USP6NL: variants seen among roughly 807,000 people sequenced by gnomAD.
USP6NL encodes USP6 N-terminal like, also known as USP6 N-terminal-like protein.
Under a neutral mutation model 61.9 loss-of-function variants are expected in USP6NL, and 26 were observed. The observed-to-expected ratio is 0.42, with a 90% CI of 0.31 to 0.58. USP6NL has a LOEUF of 0.58. Ranked by LOEUF, USP6NL falls within the 20% of genes least tolerant of loss-of-function variation. The pLI is 0.16. For synonymous variants in USP6NL, 432 were observed against 390.1 expected, an observed-to-expected ratio of 1.11 and a Z score of -1.27; for missense variants, 1,114 against 1,034.3, an observed-to-expected ratio of 1.08 and a Z score of -1.06.
In USP6NL at chr10:11,462,798, A is replaced by G. The variant is rs2096220730; in HGVS notation, c.2130T>C (p.Tyr710=). The G allele has an allele frequency of 6.2e-7, 1 of 1,613,908 alleles. No homozygotes were observed. ...TCTTTGGTGACCCTGAATTGCCCGA[A>G]TATCCCCCAGCACCAGTGTCAACAG... ...VLPVDTGAGG[Y]SGNSGSPKNG... The change falls in exon 15 of 15, where the codon TAT becomes TAC. Residue 710 remains tyrosine, a synonymous_variant. Coordinates refer to ENST00000609104, the MANE Select transcript of USP6NL (RefSeq NM_014688.5).
In USP6NL at chr10:11,525,379, G is replaced by A; in HGVS notation, c.155+7C>T. 1.3e-6 allele frequency: 2 copies of A among 1,592,432 alleles called. No homozygotes were observed. Among genetic ancestry groups the A allele is most frequent in the East Asian group, 4.6e-5 (2 of 43,866 alleles). ...TAAAAAGCAAGCTTTCAATCTATGT[G>A]ACTTACTGTAAAAAGCCAAATCTAT... is the stretch of plus-strand genomic sequence containing the variant. On this transcript the variant is annotated splice_region_variant and intron_variant, in intron 4 of 14. Transcript: ENST00000609104. The surrounding 1 kb of genome is among the most constrained non-coding windows in gnomAD (Gnocchi z 5.0).
At position 11,602,027 on chromosome 10, in the gene USP6NL, A is replaced by G. The variant is rs1838549195; in HGVS notation, c.-83-4310T>C. On this transcript the variant is annotated intron_variant, in intron 1 of 14. Transcript: ENST00000609104. The surrounding 1 kb of genome is among the most constrained non-coding windows in gnomAD (Gnocchi z 4.8). ...AGAAGAAAATGTCCTTCATTGATGT[A>G]TTATTTGTAATAGCAATATATATAC... 6.6e-6 allele frequency among the ~76,000 whole-genome samples: 1 copy of G among 152,212 alleles called. No individual in the cohort carries two copies. The highest frequency in any genetic ancestry group is 2.4e-5 in the African/African-American group (1 of 41,462).
chr10:11,494,585 G>C (rs1162654712), intron 7 of USP6NL, among the ~76,000 whole-genome samples: 1 of 152,224 alleles, frequency 6.6e-6, no homozygotes, highest in South Asian at 2.1e-4. Context: ...TAGTGGCCCC[G>C]AATGTCTGGC....
rs17150555 is a variant in USP6NL at position 11,567,995 on chromosome 10, G to A, written c.4+29636C>T. Reference sequence around the variant, plus strand: ...CACGCTCTTAGCTAACCACTTCTGCGCTGCCTTTCCTTTTCATTAAACCAC... The same window carrying A: ...CACGCTCTTAGCTAACCACTTCTGCACTGCCTTTCCTTTTCATTAAACCAC... On this transcript the variant is annotated intron_variant, in intron 2 of 14. Coordinates refer to ENST00000609104, the MANE Select transcript of USP6NL (RefSeq NM_014688.5). 9.0e-3 allele frequency among the ~76,000 whole-genome samples: 1,373 copies of A among 151,966 alleles called. 14 individuals are homozygous for A. Among genetic ancestry groups the A allele is most frequent in the African/African-American group, 0.031 (1,282 of 41,508 alleles).
rs574238031 is a variant in USP6NL at position 11,571,240 on chromosome 10, C to T, written c.4+26391G>A. Among the ~76,000 whole-genome samples the T allele has an allele frequency of 7.2e-5, 11 of 152,156 alleles. No homozygotes were observed. The East Asian group carries it at 1.9e-3, about 27-fold the overall frequency. ...CTGGGATTACAGGCATGCACCACCA[C>T]GCCCGGCTAATTTTGTGGTTTTTTC... On this transcript the variant is annotated intron_variant, in intron 2 of 14. Transcript: ENST00000609104.
intron 2 of USP6NL, among the ~76,000 whole-genome samples, chr10:11,531,180 T>C (rs1316329927): frequency 2.0e-5 from 3 of 152,200 alleles, no homozygotes; most frequent in Non-Finnish European, 2.9e-5. Flanking sequence ...AAAAATGTGG[T>C]TTGAAATACA....
At chr10:11,504,870 G>C (rs918852114) in intron 6 of USP6NL, among the ~76,000 whole-genome samples, 17 of 152,216 alleles carry the variant, frequency 1.1e-4, no homozygotes, top group Non-Finnish European at 1.0e-4. Flanking sequence ...TGCTGGTAGA[G>C]ACAGACTCCC....
At position 11,473,554 on chromosome 10, in the gene USP6NL, C is replaced by CGTATT. The variant is rs1566117214; in HGVS notation, c.1078+8211_1078+8215dup. Among the ~76,000 whole-genome samples the CGTATT allele has an allele frequency of 3.3e-5, 5 of 152,248 alleles. No homozygotes were observed. In the South Asian group the frequency reaches 1.0e-3, roughly 32 times the overall value. ...GTCGGGAGCATTCTTGGAGGAGGAG[C>CGTATT]GTATTCCAAGGCAAAGTGCCTTGAA... On this transcript the variant is annotated intron_variant, in intron 14 of 14. Transcript: ENST00000609104.
intron 3 of USP6NL, among the ~76,000 whole-genome samples, chr10:11,526,759 C>T (rs540897653): frequency 2.0e-5 from 3 of 152,184 alleles, no homozygotes; most frequent in Admixed American, 1.3e-4. Flanking sequence ...TAAATCACTG[C>T]TAGGACTCAT....
At chr10:11,467,872 A>C (rs1235121147) in intron 14 of USP6NL, among the ~76,000 whole-genome samples, 3 of 152,258 alleles carry the variant, frequency 2.0e-5, no homozygotes, top group Non-Finnish European at 4.4e-5. Flanking sequence ...ATGAAGTTTA[A>C]AAGCACAGAA....
At chr10:11,508,640 T>G (rs1834561038) in intron 6 of USP6NL, among the ~76,000 whole-genome samples, 1 of 152,214 alleles carries the variant, frequency 6.6e-6, no homozygotes, top group Admixed American at 6.5e-5. Flanking sequence ...AAGTGTTAAC[T>G]TGATTAAATA....
At position 11,463,201 on chromosome 10, in the gene USP6NL, C is replaced by T. The variant is rs2096224356; in HGVS notation, c.1727G>A (p.Ser576Asn). Residue 576 changes from serine (S) to asparagine (N), a missense_variant, in exon 15 of 15, where the codon AGC (serine) becomes AAC (asparagine). By Grantham distance (46) the Ser-to-Asn change is conservative. Transcript: ENST00000609104. This position sits in a 1 kb window ranked among gnomAD's most constrained non-coding sequence, Gnocchi z 6.3. ...AGGAGGGTAAAGGGCATGCCGGGGG[C>T]TCTGGGAGTAAGCCCTTTCCAGCGC... ...EEALERAYSQSPRHALYPPSP... is the reference protein window; with the variant it reads ...EEALERAYSQNPRHALYPPSP... The T allele has an allele frequency of 1.2e-6, 2 of 1,613,434 alleles. No individual in the cohort carries two copies. Among genetic ancestry groups the T allele is most frequent in the African/African-American group, 1.3e-5 (1 of 75,046 alleles).
chr10:11,514,050 G>A (rs1425836734), intron 5 of USP6NL, among the ~76,000 whole-genome samples: 1 of 152,190 alleles, frequency 6.6e-6, no homozygotes, highest in Admixed American at 6.5e-5. Flanking sequence ...CACTTCTAGC[G>A]ATGATGCTAC....
chr10:11,525,463 T>A lies in USP6NL; in HGVS notation c.78A>T (p.Arg26=). 4 of 1,582,668 alleles carry A rather than the reference T, an allele frequency of 2.5e-6. No homozygotes were observed. The highest frequency in any genetic ancestry group is 3.4e-6 in the Non-Finnish European group (4 of 1,170,942). ...AEIVAKYDRG[R]EGAEIEPWED... is the part of the protein sequence containing the mutation. ...CCCAAGGTTCAATCTCTGCACCTTC[T>A]CGTCCCTAAAATAAGGCACAAAAAA... Residue 26 remains arginine (R), a synonymous_variant, in exon 4 of 15, where the codon CGA becomes CGT. Coordinates refer to ENST00000609104, the MANE Select transcript of USP6NL (RefSeq NM_014688.5). This position sits in a 1 kb window ranked among gnomAD's most constrained non-coding sequence, Gnocchi z 5.0.
At chr10:11,507,873 C>T (rs1303166636) in intron 6 of USP6NL, among the ~76,000 whole-genome samples, 1 of 152,128 alleles carries the variant, frequency 6.6e-6, no homozygotes, top group Non-Finnish European at 1.5e-5. Flanking sequence ...AAGTTAAATG[C>T]CTTTCCCAAG....
Position 11,481,187 on chromosome 10 carries a change from T to A in USP6NL, c.1078+583A>T, listed in dbSNP as rs115353276. On this transcript the variant is annotated intron_variant, in intron 14 of 14. Transcript: ENST00000609104. The surrounding 1 kb of genome is among the most constrained non-coding windows in gnomAD (Gnocchi z 4.4). ...AAAGTAGTACCTAGCAGAAAACCTA[T>A]TAGTAGGTGCTGAAAAATGTCTTAC... Among the ~76,000 whole-genome samples, 1,561 of 152,262 alleles carry A rather than the reference T, an allele frequency of 0.01. 29 individuals are homozygous for A. Among genetic ancestry groups the A allele is most frequent in the African/African-American group, 0.033 (1,383 of 41,548 alleles).
In USP6NL at chr10:11,561,159, TA is replaced by T. The variant is rs1836917258; in HGVS notation, c.5-33593del. On this transcript the variant is annotated intron_variant, in intron 2 of 14. Transcript: ENST00000609104. This position sits in a 1 kb window ranked among gnomAD's most constrained non-coding sequence, Gnocchi z 4.1. ...TTTAAGTAGTTTCATCCAGAATAGCTAAAATATGTTTGTGCTTTATACATCC... is the reference window on the plus strand; with the variant it reads ...TTTAAGTAGTTTCATCCAGAATAGCTAAATATGTTTGTGCTTTATACATCC... Among the ~76,000 whole-genome samples the T allele has an allele frequency of 6.6e-6, 1 of 152,158 alleles. No individual in the cohort carries two copies. Among genetic ancestry groups the T allele is most frequent in the Admixed American group, 6.5e-5 (1 of 15,278 alleles).
At chr10:11,505,174 G>A (rs942864966) in intron 6 of USP6NL, among the ~76,000 whole-genome samples, 1 of 152,096 alleles carries the variant, frequency 6.6e-6, no homozygotes, top group Non-Finnish European at 1.5e-5. Context: ...TAGAGAAAAT[G>A]ACAATAAACT....
At chr10:11,475,301 C>CAAAA (rs766814955) in intron 14 of USP6NL, among the ~76,000 whole-genome samples, 1 of 127,592 alleles carries the variant, frequency 7.8e-6, no homozygotes, top group East Asian at 2.1e-4. Flanking sequence ...GAAAGTTTGC[C>CAAAA]AAAAAAAAAA....
Sources: allele counts gnomAD v4.1 joint callset (sites outside exome capture counted in the v4.1 genomes callset), GRCh38; gene constraint gnomAD v4.1.1; non-coding constraint Gnocchi (gnomAD v3.1); transcripts MANE v1.5; gene names NCBI Gene and HGNC (gene_info 2026-07-23, HGNC 2026-07-21).